The following SNF8 variants were observed in gnomAD, a reference collection of about 807,000 sequenced individuals.
SNF8 encodes vacuolar-sorting protein SNF8.
Under a neutral mutation model 36.8 loss-of-function variants are expected in SNF8, and 19 were observed. That is an observed-to-expected ratio of 0.52 (90% CI 0.36 to 0.76). The LOEUF (loss-of-function observed/expected upper bound fraction) is 0.76, where lower values mean the gene tolerates loss of function less well. Among genes scored for constraint, SNF8 ranks in the 30% least tolerant of loss-of-function variants. SNF8 has a pLI of 0.00. For missense variants in SNF8, 268 were observed against 322.9 expected (o/e 0.83, Z 1.30); for synonymous variants, 127 against 127.4 (o/e 1.00, Z 0.02).
chr17:48,937,031 T>C lies in SNF8; in HGVS notation c.338A>G (p.His113Arg), dbSNP rs1313525798. ...QIIEVCLALK[H>R]RNGGLITLEE... is the part of the protein sequence containing the mutation. ...CTAGCCACCCTCACCTCCATTCCGA[T>C]GCTTCAGCGCCAGGCACACTTCGAT... is the stretch of plus-strand genomic sequence containing the variant. Residue 113 changes from histidine to arginine, a missense_variant, in exon 4 of 8, where the codon CAT becomes CGT. Physicochemically the swap from His to Arg is conservative, Grantham distance 29. Coordinates refer to ENST00000502492, the MANE Select transcript of SNF8 (RefSeq NM_007241.4). 6.2e-7 allele frequency: 1 copy of C among 1,613,650 alleles called. No homozygotes were observed. Among genetic ancestry groups the C allele is most frequent in the Non-Finnish European group, 8.5e-7 (1 of 1,179,550 alleles).
Position 48,941,057 on chromosome 17 carries a change from T to TG in SNF8, c.110dup (p.Gln39AlafsTer25). The TG allele has an allele frequency of 6.2e-7, 1 of 1,613,776 alleles. No individual in the cohort carries two copies. The highest frequency in any genetic ancestry group is 8.5e-7 in the Non-Finnish European group (1 of 1,179,888). On this transcript the variant is annotated frameshift_variant, in exon 3 of 8. Coordinates refer to ENST00000502492, the MANE Select transcript of SNF8 (RefSeq NM_007241.4). LOFTEE classifies it high-confidence loss of function. The stretch of plus-strand genomic sequence containing the variant: ...TGGTCTTGAACATGTCCAACTGCTT[T>TG]GACATCTGTTGGATGGACAGGGAGT...
rs537315097 is a variant in SNF8, at chr17:48,944,040, A to G, written c.55-65T>C. The G allele has an allele frequency of 3.3e-4, 497 of 1,507,244 alleles. 1 individual carries two copies. The highest frequency in any genetic ancestry group is 4.3e-4 in the Non-Finnish European group (463 of 1,086,456). 93.4% of individuals were successfully genotyped at this position (1,507,244 alleles called of 1,614,324 possible). On this transcript the variant is annotated intron_variant, in intron 1 of 7. Transcript: ENST00000502492. The stretch of plus-strand genomic sequence containing the variant: ...CGCTGGAGGCCAGGCGCGGTGGCTC[A>G]CGCCTGTAATCCCAGAACTTTGGGA...
intron 4 of SNF8, 137 bp downstream of exon 4, chr17:48,936,883 C>A (rs1165592703): frequency 8.5e-6 from 6 of 707,644 alleles, no homozygotes; most frequent in Non-Finnish European, 1.3e-5. Flanking sequence ...GCCATGGATT[C>A]AACTGCATGA....
At position 48,944,761 on chromosome 17, in the gene SNF8, G is replaced by C; in HGVS notation, c.-27C>G. 1 of 1,588,248 alleles carries C rather than the reference G, an allele frequency of 6.3e-7. No homozygotes were observed. Among genetic ancestry groups the C allele is most frequent in the Non-Finnish European group, 8.5e-7 (1 of 1,171,478 alleles). ...CCCACCCTGGGCCCGCGGGCCGCCCGGCTGCCGGGACCCCGGGTCTCCACG... is the reference window on the plus strand; with the variant it reads ...CCCACCCTGGGCCCGCGGGCCGCCCCGCTGCCGGGACCCCGGGTCTCCACG... On this transcript the variant is annotated 5_prime_UTR_variant, in exon 1 of 8. Coordinates refer to ENST00000502492, the MANE Select transcript of SNF8 (RefSeq NM_007241.4).
At position 48,944,743 on chromosome 17, in the gene SNF8, T is replaced by C. The variant is rs767974351; in HGVS notation, c.-9A>G. ...ACCCCGCGGCGGTGCATCCCCACCC[T>C]GGGCCCGCGGGCCGCCCGGCTGCCG... On this transcript the variant is annotated 5_prime_UTR_variant, in exon 1 of 8. Transcript: ENST00000502492. The C allele has an allele frequency of 6.6e-5, 105 of 1,597,828 alleles. No individual in the cohort carries two copies. Among genetic ancestry groups the C allele is most frequent in the Non-Finnish European group, 8.0e-5 (94 of 1,174,388 alleles).
chr17:48,933,851 C>T (rs957107749), intron 5 of SNF8, among the ~76,000 whole-genome samples: 1 of 152,220 alleles, frequency 6.6e-6, no homozygotes, highest in South Asian at 2.1e-4. Flanking sequence ...GTCTGCTCAG[C>T]GAACCACTCA....
intron 4 of SNF8, 33 bp downstream of exon 4, chr17:48,936,987 A>T: frequency 2.1e-6 from 3 of 1,459,066 alleles, no homozygotes; most frequent in Non-Finnish European, 2.9e-6. Flanking sequence ...AGAGAAGTCC[A>T]GAGTCCAGTT....
chr17:48,932,583 A>C (rs2040875605), intron 6 of SNF8: 2 of 152,030 alleles, frequency 1.3e-5, no homozygotes, highest in African/African-American at 4.8e-5. Context: ...GAGAAACCCC[A>C]TCTCTACTAA....
At chr17:48,942,444 G>C (rs543642213) in intron 2 of SNF8, among the ~76,000 whole-genome samples, 15 of 152,172 alleles carry the variant, frequency 9.9e-5, no homozygotes, top group African/African-American at 3.4e-4. Flanking sequence ...CACAGCCTGG[G>C]TTTACTATTT....
chr17:48,944,584 C>G (rs2143825293), intron 1 of SNF8, 97 bp downstream of exon 1: 1 of 1,336,084 alleles, frequency 7.5e-7, no homozygotes, highest in Non-Finnish European at 1.1e-6. Flanking sequence ...GTCTCAGATT[C>G]TGTTGGGAGG....
chr17:48,939,339 T>C (rs1051598340), intron 3 of SNF8, among the ~76,000 whole-genome samples: 6 of 150,318 alleles, frequency 4.0e-5, no homozygotes, highest in African/African-American at 1.5e-4. Context: ...ACTTGGGAGG[T>C]TGAGGCAGGA....
rs373775685 is a variant in SNF8, at chr17:48,930,528, C to T, written c.724G>A (p.Asp242Asn). The T allele has an allele frequency of 6.2e-7, 1 of 1,612,762 alleles. No homozygotes were observed. Among genetic ancestry groups the T allele is most frequent in the Middle Eastern group, 1.9e-4 (1 of 5,194 alleles). The change falls in exon 8 of 8, where the codon GAC becomes AAC. Residue 242 changes from aspartate to asparagine, a missense_variant. Coordinates refer to ENST00000502492, the MANE Select transcript of SNF8 (RefSeq NM_007241.4). ...AHYWLPALFT[D>N]LYSQEITAEE... The stretch of plus-strand genomic sequence containing the variant: ...GCTGTAATCTCCTGGGAGTAGAGGT[C>T]AGTGAAGAGAGCTGGCAGCCAGTAG...
chr17:48,944,387 G>A (rs960133474), intron 1 of SNF8, among the ~76,000 whole-genome samples: 1 of 152,246 alleles, frequency 6.6e-6, no homozygotes, highest in Non-Finnish European at 1.5e-5. Flanking sequence ...AAAAGAGGAG[G>A]ATCTCTGTAA....
chr17:48,936,822 AACAGAG>A (rs1189664439), intron 4 of SNF8, 192 bp downstream of exon 4: 3 of 606,894 alleles, frequency 4.9e-6, no homozygotes, highest in Admixed American at 2.9e-5. Flanking sequence ...ATCTTTGGAG[AACAGAG>A]ACAATCGTTC....
At chr17:48,933,476 A>C in intron 5 of SNF8, 130 bp from the exon 6 acceptor site, 2 of 1,038,686 alleles carry the variant, frequency 1.9e-6, no homozygotes, top group Non-Finnish European at 2.9e-6. Flanking sequence ...GCAATGGCTC[A>C]TACCCATAAT....
chr17:48,941,109 A>C (rs761435345), intron 2 of SNF8, 47 bp from the exon 3 acceptor site: 1 of 1,599,606 alleles, frequency 6.3e-7, no homozygotes, highest in Non-Finnish European at 8.5e-7. Flanking sequence ...GCCAAATGAT[A>C]ATCAGATGCC....
At chr17:48,931,263 AT>A (rs2040854049) in intron 7 of SNF8, among the ~76,000 whole-genome samples, 1 of 152,222 alleles carries the variant, frequency 6.6e-6, no homozygotes. Flanking sequence ...ACTATGCAAT[AT>A]AATGCTTAGT....
chr17:48,941,157 G>A (rs1329742072), intron 2 of SNF8, 95 bp from the exon 3 acceptor site: 6 of 1,384,310 alleles, frequency 4.3e-6, no homozygotes, highest in African/African-American at 2.8e-5. Context: ...GGCAAAGGCT[G>A]AAATAACCAG....
intron 3 of SNF8, 44 bp from the exon 4 acceptor site, chr17:48,937,168 AT>A: frequency 7.1e-7 from 1 of 1,400,474 alleles, no homozygotes; most frequent in East Asian, 2.3e-5. Context: ...ATTAATTTAC[AT>A]CCCTTCTTTT....
Sources: allele counts gnomAD v4.1 joint callset (sites outside exome capture counted in the v4.1 genomes callset), GRCh38; gene constraint gnomAD v4.1.1; transcripts MANE v1.5; gene names NCBI Gene and HGNC (gene_info 2026-07-23, HGNC 2026-07-21).